Variants in KLHL32 observed in about 807,000 individuals in gnomAD.
KLHL32 encodes kelch like family member 32.
In KLHL32, 35 loss-of-function variants were observed where a neutral mutation model predicts 64.8. The ratio of observed to expected loss-of-function variants is 0.54; its 90% CI spans 0.41 to 0.72. KLHL32 has a LOEUF of 0.72. Among genes scored for constraint, KLHL32 ranks in the 30% least tolerant of loss-of-function variants. KLHL32 has a pLI of 0.00. For missense variants in KLHL32, 589 were observed against 768.5 expected (o/e 0.77, Z 2.76); for synonymous variants, 259 against 281.0 (o/e 0.92, Z 0.78).
chr6:97,094,049 A>G (rs1562329563), intron 6 of KLHL32, among the ~76,000 whole-genome samples: 1 of 152,232 alleles, frequency 6.6e-6, no homozygotes. Flanking sequence ...AAATGTATGC[A>G]GCATAAATTG....
At chr6:97,116,978 T>TA (rs1327527027) in intron 7 of KLHL32, among the ~76,000 whole-genome samples, 9 of 152,210 alleles carry the variant, frequency 5.9e-5, no homozygotes, top group African/African-American at 9.7e-5. Context: ...GTACTTGAGA[T>TA]GAAAAACTCA....
chr6:96,942,260 C>T lies in KLHL32; in HGVS notation c.-66+17234C>T, dbSNP rs899924268. ...CCAGACTGGTGCTGCCCCTGTACTACTGCTGTCCCCCTCACCATCCTTTCC... is the reference window on the plus strand; with the variant it reads ...CCAGACTGGTGCTGCCCCTGTACTATTGCTGTCCCCCTCACCATCCTTTCC... On this transcript the variant is annotated intron_variant, in intron 1 of 10. Coordinates refer to ENST00000369261, the MANE Select transcript of KLHL32 (RefSeq NM_052904.4). Among the ~76,000 whole-genome samples the T allele has an allele frequency of 3.9e-5, 6 of 152,222 alleles. No homozygotes were observed. In the South Asian group the frequency reaches 6.2e-4, roughly 16 times the overall value.
At chr6:97,025,606 T>C (rs1318923572) in intron 3 of KLHL32, among the ~76,000 whole-genome samples, 1 of 152,208 alleles carries the variant, frequency 6.6e-6, no homozygotes, top group Admixed American at 6.5e-5. Context: ...CACAGCCTGA[T>C]TCTGTTTGTC....
chr6:97,138,224 AC>A (rs1744948944), intron 10 of KLHL32, among the ~76,000 whole-genome samples: 1 of 146,164 alleles, frequency 6.8e-6, no homozygotes, highest in Non-Finnish European at 1.5e-5. Flanking sequence ...GCAGGCACTG[AC>A]TAACAGAGGC....
At chr6:96,953,641 A>AG (rs1332837119) in intron 1 of KLHL32, among the ~76,000 whole-genome samples, 1 of 152,010 alleles carries the variant, frequency 6.6e-6, no homozygotes, top group East Asian at 1.9e-4. Context: ...AAAAAAAAAA[A>AG]GAAAATTTAG....
chr6:96,950,266 A>G (rs567287587), intron 1 of KLHL32, among the ~76,000 whole-genome samples: 2 of 152,100 alleles, frequency 1.3e-5, no homozygotes, highest in African/African-American at 4.8e-5. Flanking sequence ...AACAAGAACA[A>G]TGTCTAAACA....
chr6:97,135,034 T>C (rs191782027), intron 10 of KLHL32, among the ~76,000 whole-genome samples: 99 of 152,296 alleles, frequency 6.5e-4, no homozygotes, highest in Non-Finnish European at 9.4e-4. Context: ...CTGAGGATAT[T>C]TGAGAGTATC....
intron 3 of KLHL32, among the ~76,000 whole-genome samples, chr6:97,041,195 C>T (rs1407013714): frequency 6.6e-6 from 1 of 152,054 alleles, no homozygotes; most frequent in Non-Finnish European, 1.5e-5. Context: ...AATCCAGGAC[C>T]AAGAGAAAGC....
chr6:96,961,989 G>T (rs919542721), intron 1 of KLHL32, among the ~76,000 whole-genome samples: 2 of 152,126 alleles, frequency 1.3e-5, no homozygotes, highest in Non-Finnish European at 2.9e-5. Context: ...AGTCAGAGAC[G>T]TTACCCATAA....
intron 3 of KLHL32, among the ~76,000 whole-genome samples, chr6:96,985,484 T>C (rs1403345099): frequency 6.6e-6 from 1 of 152,256 alleles, no homozygotes; most frequent in Non-Finnish European, 1.5e-5. Context: ...CTTGGTTCCA[T>C]TCTCTTCGTC....
chr6:96,990,565 A>C (rs1777734555), intron 3 of KLHL32, among the ~76,000 whole-genome samples: 1 of 152,158 alleles, frequency 6.6e-6, no homozygotes, highest in Non-Finnish European at 1.5e-5. Context: ...TGCACACTGC[A>C]GCTCTGGGGT....
intron 2 of KLHL32, 56 bp downstream of exon 2, chr6:96,967,139 T>C: frequency 6.6e-7 from 1 of 1,505,502 alleles, no homozygotes; most frequent in Non-Finnish European, 9.2e-7. Flanking sequence ...AATAAGTGCA[T>C]TGCACGTTCT....
At chr6:96,938,005 AC>A (rs1247263146) in intron 1 of KLHL32, among the ~76,000 whole-genome samples, 1 of 152,218 alleles carries the variant, frequency 6.6e-6, no homozygotes, top group Non-Finnish European at 1.5e-5. Flanking sequence ...CTCAGGAAAT[AC>A]TGATTCCTTG....
the KLHL32 span, among the ~76,000 whole-genome samples, chr6:96,910,936 A>C: frequency 2.0e-5 from 3 of 152,374 alleles, no homozygotes; most frequent in Admixed American, 6.5e-5. Flanking sequence ...AGTTATATTC[A>C]GTATATATCA....
At chr6:96,993,272 C>T (rs891754004) in intron 3 of KLHL32, among the ~76,000 whole-genome samples, 4 of 152,188 alleles carry the variant, frequency 2.6e-5, no homozygotes, top group African/African-American at 9.6e-5. Context: ...GCTTTTGCAT[C>T]AGTGGTTAAT....
chr6:97,037,819 CA>C (rs1784521778), intron 3 of KLHL32, among the ~76,000 whole-genome samples: 1 of 152,128 alleles, frequency 6.6e-6, no homozygotes, highest in African/African-American at 2.4e-5. Flanking sequence ...GGCATAAAAA[CA>C]GACACATAGA....
intron 3 of KLHL32, among the ~76,000 whole-genome samples, chr6:96,994,116 C>G (rs960248593): frequency 1.3e-5 from 2 of 152,186 alleles, no homozygotes; most frequent in East Asian, 1.9e-4. Flanking sequence ...ACAGTTGTCT[C>G]ATTCACAATA....
At chr6:97,103,435 G>T (rs1013078048) in intron 6 of KLHL32, among the ~76,000 whole-genome samples, 1 of 152,022 alleles carries the variant, frequency 6.6e-6, no homozygotes. Flanking sequence ...GGATGGTCTC[G>T]ATCTCCTGAC....
rs1348873428 is a variant in KLHL32 at position 97,140,017 on chromosome 6, ATGT to A, written c.*740_*742del. ...AATACTTTGCCCAAGAAAAAGAAAAATGTTGTTACTGAAATTATAAGGTATTTT... is the reference window on the plus strand; with the variant it reads ...AATACTTTGCCCAAGAAAAAGAAAAATGTTACTGAAATTATAAGGTATTTT... On this transcript the variant is annotated 3_prime_UTR_variant, in exon 11 of 11. Coordinates refer to ENST00000369261, the MANE Select transcript of KLHL32 (RefSeq NM_052904.4). The A allele has an allele frequency of 2.0e-5, 3 of 152,146 alleles. No individual in the cohort carries two copies. The highest frequency in any genetic ancestry group is 7.2e-5 in the African/African-American group (3 of 41,434). The allele number at this position is 152,146 out of a possible 1,614,324, so 9.4% of individuals were successfully genotyped here. A position where few individuals can be genotyped will look rare whatever the true frequency, so the allele number is the denominator to read the frequency against.
Sources: gnomAD v4.1 joint callset for allele counts (sites outside exome capture counted in the v4.1 genomes callset) on GRCh38, gnomAD v4.1.1 for gene constraint, MANE v1.5 for transcripts, NCBI Gene and HGNC (gene_info 2026-07-23, HGNC 2026-07-21) for gene names.